The following DNAJC5 variants were observed in gnomAD, a reference collection of about 807,000 sequenced individuals.
The protein encoded by DNAJC5 is DnaJ heat shock protein family (Hsp40) member C5.
DNAJC5 carries 1 observed loss-of-function variant against 23.2 expected under a neutral mutation model. The ratio of observed to expected loss-of-function variants is 0.04; its 90% confidence interval spans 0.02 to 0.20. The LOEUF is 0.20. Among genes scored for constraint, DNAJC5 ranks in the 10% least tolerant of loss-of-function variants. DNAJC5 has a pLI of 1.00. For synonymous variants in DNAJC5, 136 were observed against 120.0 expected (o/e 1.13, Z -0.87); for missense variants, 180 against 267.0 (o/e 0.67, Z 2.27).
intron 1 of DNAJC5, among the ~76,000 whole-genome samples, chr20:63,896,439 G>A (rs950464510): frequency 6.6e-6 from 1 of 152,170 alleles, no homozygotes; most frequent in African/African-American, 2.4e-5. Context: ...GTAGGGGCCC[G>A]CTCTGGTTGC....
In DNAJC5 at chr20:63,928,808, T is replaced by G. The variant is rs1010279127; in HGVS notation, c.107+356T>G. ...CACAGTGATGACAGAGACCCCTCACTCTGTTGTGGCCTTCTGATTGAGCTT... is the reference window on the plus strand; with the variant it reads ...CACAGTGATGACAGAGACCCCTCACGCTGTTGTGGCCTTCTGATTGAGCTT... On this transcript the variant is annotated intron_variant, in intron 2 of 4. Coordinates refer to ENST00000360864, the MANE Select transcript of DNAJC5 (RefSeq NM_025219.3). This position sits in a 1 kb window ranked among gnomAD's most constrained non-coding sequence, Gnocchi z 4.6. 6.6e-6 allele frequency among the ~76,000 whole-genome samples: 1 copy of G among 152,150 alleles called. No individual in the cohort carries two copies. The highest frequency in any genetic ancestry group is 1.5e-5 in the Non-Finnish European group (1 of 68,018).
chr20:63,895,861 T>C (rs2053372023), intron 1 of DNAJC5, among the ~76,000 whole-genome samples: 1 of 152,252 alleles, frequency 6.6e-6, no homozygotes. Context: ...AAACCTGTTT[T>C]CTCCGCTTTA....
Position 63,920,763 on chromosome 20 carries a change from C to T in DNAJC5, c.-11-7572C>T, listed in dbSNP as rs975130972. Among the ~76,000 whole-genome samples the T allele has an allele frequency of 3.3e-5, 5 of 151,228 alleles. No individual in the cohort carries two copies. The highest frequency in any genetic ancestry group is 7.4e-5 in the Non-Finnish European group (5 of 67,778). On this transcript the variant is annotated intron_variant, in intron 1 of 4. Transcript: ENST00000360864. This position sits in a 1 kb window ranked among gnomAD's most constrained non-coding sequence, Gnocchi z 4.6. ...TGAGATCTCGGCTCACTGCAACCTC[C>T]CCCTCGAGGGTTCAAGCGATTCTCC...
At chr20:63,922,131 C>T (rs756307839) in intron 1 of DNAJC5, among the ~76,000 whole-genome samples, 5 of 151,950 alleles carry the variant, frequency 3.3e-5, no homozygotes, top group Non-Finnish European at 7.4e-5. Flanking sequence ...GGTGCTACTT[C>T]AAACATCAGG....
rs768056284 is a variant in DNAJC5 at position 63,933,502 on chromosome 20, T to G, written c.*1934T>G. 7 of 152,308 alleles carry G rather than the reference T, an allele frequency of 4.6e-5. No individual in the cohort carries two copies. The highest frequency in any genetic ancestry group is 1.5e-5 in the Non-Finnish European group (1 of 68,038). The allele number at this position is 152,308 out of a possible 1,614,324, so 9.4% of individuals were successfully genotyped here. A position where few individuals can be genotyped will look rare whatever the true frequency, so the allele number is the denominator to read the frequency against. On this transcript the variant is annotated 3_prime_UTR_variant, in exon 5 of 5. Coordinates refer to ENST00000360864, the MANE Select transcript of DNAJC5 (RefSeq NM_025219.3). ...CGAAGACCTTTGACAAGAGGAGAGA[T>G]ATGCACTGTGATATTAAATTAGAAA...
chr20:63,916,868 C>G (rs2053518587), intron 1 of DNAJC5, among the ~76,000 whole-genome samples: 1 of 152,192 alleles, frequency 6.6e-6, no homozygotes, highest in African/African-American at 2.4e-5. Context: ...AGGCTCTCTG[C>G]AAGAAGAAAA....
intron 1 of DNAJC5, among the ~76,000 whole-genome samples, chr20:63,909,935 T>C (rs1050589707): frequency 2.6e-5 from 4 of 152,238 alleles, no homozygotes; most frequent in African/African-American, 9.6e-5. Context: ...ACTGATCTTA[T>C]GAAGAACACT....
chr20:63,914,776 C>T (rs2053505555), intron 1 of DNAJC5, among the ~76,000 whole-genome samples: 1 of 151,916 alleles, frequency 6.6e-6, no homozygotes, highest in Admixed American at 6.6e-5. Flanking sequence ...CCACCACGCC[C>T]TGCTAATTTC....
rs1235024853 is a variant in DNAJC5, at chr20:63,931,396, C to T, written c.494-69C>T. On this transcript the variant is annotated intron_variant, in intron 4 of 4. Transcript: ENST00000360864. This position sits in a 1 kb window ranked among gnomAD's most constrained non-coding sequence, Gnocchi z 9.6. ...TTGTCCAGGTGCCCGAAAGTCGCTC[C>T]ACAGGACCAGCGTTGGGTGCGCGCC... 3 of 1,438,870 alleles carry T rather than the reference C, an allele frequency of 2.1e-6. No homozygotes were observed. The highest frequency in any genetic ancestry group is 2.8e-6 in the Non-Finnish European group (3 of 1,059,226). The allele number at this position is 1,438,870 out of a possible 1,614,324, so 89.1% of individuals were successfully genotyped here. A position where few individuals can be genotyped will look rare whatever the true frequency, so the allele number is the denominator to read the frequency against.
intron 1 of DNAJC5, among the ~76,000 whole-genome samples, chr20:63,898,367 C>T (rs1163561157): frequency 1.3e-5 from 2 of 152,162 alleles, no homozygotes; most frequent in East Asian, 3.8e-4. Flanking sequence ...GTATGTAATG[C>T]TGCAGGTAAA....
At chr20:63,902,302 G>C (rs1230124648) in intron 1 of DNAJC5, among the ~76,000 whole-genome samples, 3 of 150,500 alleles carry the variant, frequency 2.0e-5, no homozygotes, top group East Asian at 2.0e-4. Context: ...GATCCGCCCA[G>C]CTCGGCCTCC....
In DNAJC5 at chr20:63,928,281, C is replaced by T. The variant is rs572304675; in HGVS notation, c.-11-54C>T. The T allele has an allele frequency of 2.3e-5, 33 of 1,427,046 alleles. No homozygotes were observed. The East Asian group carries it at 7.0e-4, about 30-fold the overall frequency. 88.4% of individuals were successfully genotyped at this position (1,427,046 alleles called of 1,614,324 possible). ...ATGGAATAAAGTCCATCAGCTCTGC[C>T]CTTGGTACTTTCATCTATACTTTGT... is the stretch of plus-strand genomic sequence containing the variant. On this transcript the variant is annotated intron_variant, in intron 1 of 4. Coordinates refer to ENST00000360864, the MANE Select transcript of DNAJC5 (RefSeq NM_025219.3). The surrounding 1 kb of genome is among the most constrained non-coding windows in gnomAD (Gnocchi z 4.6).
intron 1 of DNAJC5, among the ~76,000 whole-genome samples, chr20:63,915,444 G>T (rs897036473): frequency 2.7e-5 from 4 of 150,034 alleles, no homozygotes; most frequent in Admixed American, 2.7e-4. Context: ...AAAAAAGCTT[G>T]TGCTCATCAA....
chr20:63,906,027 C>T (rs879560800), intron 1 of DNAJC5, among the ~76,000 whole-genome samples: 3 of 152,038 alleles, frequency 2.0e-5, no homozygotes, highest in South Asian at 2.1e-4. Context: ...CCACTATGCC[C>T]GGCCCAGGAT....
At chr20:63,922,398 G>A (rs2053580511) in intron 1 of DNAJC5, among the ~76,000 whole-genome samples, 1 of 151,844 alleles carries the variant, frequency 6.6e-6, no homozygotes, top group South Asian at 2.1e-4. Flanking sequence ...GGGTGGTGGA[G>A]GGTGCATGGA....
chr20:63,895,959 A>G (rs1358267258), intron 1 of DNAJC5, among the ~76,000 whole-genome samples: 1 of 152,208 alleles, frequency 6.6e-6, no homozygotes, highest in Admixed American at 6.5e-5. Context: ...GTTGGTGTTA[A>G]GTGTCTGGAT....
At chr20:63,925,718 C>G (rs2053607216) in intron 1 of DNAJC5, among the ~76,000 whole-genome samples, 1 of 150,882 alleles carries the variant, frequency 6.6e-6, no homozygotes, top group African/African-American at 2.5e-5. Flanking sequence ...GATCGCGTCA[C>G]CGCACTCCAG....
At chr20:63,918,869 C>T (rs2053537846) in intron 1 of DNAJC5, among the ~76,000 whole-genome samples, 1 of 152,386 alleles carries the variant, frequency 6.6e-6, no homozygotes. Context: ...GCTGGGATTA[C>T]AGGCGTGAGC....
Position 63,911,773 on chromosome 20 carries a change from G to A in DNAJC5, c.-12+16450G>A, listed in dbSNP as rs377144045. Among the ~76,000 whole-genome samples, 11 of 151,614 alleles carry A rather than the reference G, an allele frequency of 7.3e-5. 1 individual carries two copies. Among genetic ancestry groups the A allele is most frequent in the East Asian group, 5.8e-4 (3 of 5,160 alleles). ...CCTGCAGCCTTGACCTCCTGGGCTCGAGTGATCCTCCCATCCCAACCACCT... is the reference window on the plus strand; with the variant it reads ...CCTGCAGCCTTGACCTCCTGGGCTCAAGTGATCCTCCCATCCCAACCACCT... On this transcript the variant is annotated intron_variant, in intron 1 of 4. Transcript: ENST00000360864.
Sources: allele counts gnomAD v4.1 joint callset (sites outside exome capture counted in the v4.1 genomes callset), GRCh38; gene constraint gnomAD v4.1.1; non-coding constraint Gnocchi (gnomAD v3.1); transcripts MANE v1.5; gene names NCBI Gene and HGNC (gene_info 2026-07-23, HGNC 2026-07-21).